ITFG1: variants seen among roughly 807,000 people sequenced by gnomAD.
ITFG1 encodes T-cell immunomodulatory protein.
ITFG1 carries 34 observed loss-of-function variants against 81.8 expected under a neutral mutation model. The ratio of observed to expected loss-of-function variants is 0.42; its 90% CI spans 0.32 to 0.55. The LOEUF (loss-of-function observed/expected upper bound fraction) is 0.55, where lower values mean the gene tolerates loss of function less well. ITFG1 is among the 20% of genes least tolerant of loss of function. The pLI, the probability that ITFG1 is intolerant of heterozygous loss-of-function variation, is 0.17. For synonymous variants in ITFG1, 285 were observed against 270.6 expected (o/e 1.05, Z -0.52); for missense variants, 672 against 755.4 (o/e 0.89, Z 1.29).
chr16:47,370,042 G>A (rs758441937), intron 7 of ITFG1, among the ~76,000 whole-genome samples: 8 of 151,742 alleles, frequency 5.3e-5, no homozygotes, highest in East Asian at 1.9e-4. Flanking sequence ...GGGTTTCACC[G>A]TGTTAACCAG....
chr16:47,262,473 T>G (rs1966221569), intron 10 of ITFG1, among the ~76,000 whole-genome samples: 1 of 152,232 alleles, frequency 6.6e-6, no homozygotes, highest in Non-Finnish European at 1.5e-5. Flanking sequence ...GAAGATTGTA[T>G]TAAAACATGA....
chr16:47,389,211 G>A (rs951578943), intron 6 of ITFG1, among the ~76,000 whole-genome samples: 1 of 152,056 alleles, frequency 6.6e-6, no homozygotes, highest in African/African-American at 2.4e-5. Context: ...GAAAGCAAAT[G>A]ACCCCTGATA....
chr16:47,400,976 T>C (rs1968654827), intron 6 of ITFG1, among the ~76,000 whole-genome samples: 1 of 152,206 alleles, frequency 6.6e-6, no homozygotes, highest in African/African-American at 2.4e-5. Flanking sequence ...GATGTTAGGA[T>C]GTTGGCCATC....
chr16:47,271,930 G>GAAATGAAAACA (rs1010052914), intron 10 of ITFG1, among the ~76,000 whole-genome samples: 1 of 152,078 alleles, frequency 6.6e-6, no homozygotes, highest in African/African-American at 2.4e-5. Flanking sequence ...TATCTCAAGA[G>GAAATGAAAACA]AAATGAAAAC....
intron 8 of ITFG1, among the ~76,000 whole-genome samples, chr16:47,354,486 G>A (rs1183673295): frequency 6.6e-6 from 1 of 152,074 alleles, no homozygotes; most frequent in Non-Finnish European, 1.5e-5. Flanking sequence ...CATGACATTG[G>A]TCTTGTCAAG....
intron 6 of ITFG1, 76 bp from the exon 7 acceptor site, chr16:47,376,016 C>A: frequency 3.9e-6 from 3 of 760,712 alleles, no homozygotes; most frequent in South Asian, 1.7e-5. Flanking sequence ...AAAAAAAATG[C>A]AATACATTAA....
intron 10 of ITFG1, among the ~76,000 whole-genome samples, chr16:47,284,352 T>C (rs1440425416): frequency 2.0e-5 from 3 of 152,156 alleles, no homozygotes; most frequent in Admixed American, 1.3e-4. Flanking sequence ...ATATAACATA[T>C]TTCTATAGTC....
At chr16:47,352,466 C>G (rs1967975004) in intron 8 of ITFG1, among the ~76,000 whole-genome samples, 2 of 152,202 alleles carry the variant, frequency 1.3e-5, no homozygotes, top group South Asian at 2.1e-4. Context: ...AAATGCTCAT[C>G]ATCACTGGCC....
intron 10 of ITFG1, chr16:47,262,679 T>C (rs1035463074): frequency 6.6e-5 from 10 of 152,252 alleles, no homozygotes; most frequent in African/African-American, 2.2e-4. Context: ...ATTTAAAATG[T>C]TATTCCTTCT....
At chr16:47,313,444 T>C (rs372664620) in intron 9 of ITFG1, among the ~76,000 whole-genome samples, 68 of 152,214 alleles carry the variant, frequency 4.5e-4, no homozygotes, top group African/African-American at 1.5e-3. Context: ...CCTTTTATTA[T>C]AGTGTGTTTT....
chr16:47,377,617 T>G (rs957438784), intron 6 of ITFG1, among the ~76,000 whole-genome samples: 3 of 152,336 alleles, frequency 2.0e-5, no homozygotes, highest in African/African-American at 7.2e-5. Context: ...AGCCACCTGG[T>G]GAATGGATTC....
chr16:47,307,115 A>AAAC (rs1967179512), intron 10 of ITFG1, among the ~76,000 whole-genome samples: 1 of 148,496 alleles, frequency 6.7e-6, no homozygotes, highest in African/African-American at 2.5e-5. Context: ...AAAAAAAAAA[A>AAAC]AAAAAAAACG....
At chr16:47,197,148 G>A (rs144242710) in intron 14 of ITFG1, among the ~76,000 whole-genome samples, 18 of 152,282 alleles carry the variant, frequency 1.2e-4, no homozygotes, top group African/African-American at 3.4e-4. Flanking sequence ...GTCTTTTGTG[G>A]AGGAAATGTT....
At chr16:47,403,150 CT>C (rs1489671483) in intron 6 of ITFG1, among the ~76,000 whole-genome samples, 1 of 151,968 alleles carries the variant, frequency 6.6e-6, no homozygotes, top group African/African-American at 2.4e-5. Context: ...AATTTGCCCC[CT>C]CCCTTTCCTT....
chr16:47,428,540 T>C (rs1002192354), intron 6 of ITFG1, among the ~76,000 whole-genome samples: 13 of 152,004 alleles, frequency 8.6e-5, no homozygotes, highest in Admixed American at 3.9e-4. Context: ...AGGCAACATG[T>C]GCTGAAATTA....
intron 6 of ITFG1, among the ~76,000 whole-genome samples, chr16:47,428,387 T>A (rs2151609402): frequency 6.6e-6 from 1 of 152,280 alleles, no homozygotes; most frequent in Admixed American, 6.5e-5. Flanking sequence ...TCTGTCCAAT[T>A]TTCTGTTTAA....
chr16:47,166,393 C>A (rs961804831), intron 14 of ITFG1, among the ~76,000 whole-genome samples: 12 of 152,176 alleles, frequency 7.9e-5, no homozygotes, highest in Admixed American at 5.9e-4. Flanking sequence ...TTTTAGCATA[C>A]TTTTAGTCAC....
chr16:47,186,676 A>C (rs1965222286), intron 14 of ITFG1, among the ~76,000 whole-genome samples: 1 of 152,220 alleles, frequency 6.6e-6, no homozygotes, highest in African/African-American at 2.4e-5. Context: ...CAAAAACTGG[A>C]AGCATTCCCT....
At position 47,415,140 on chromosome 16, in the gene ITFG1, GAT is replaced by G. The variant is rs374402356; in HGVS notation, c.655+13662_655+13663del. Among the ~76,000 whole-genome samples, 627 of 152,320 alleles carry G rather than the reference GAT, an allele frequency of 4.1e-3. 5 individuals carry two copies. The highest frequency in any genetic ancestry group is 0.014 in the African/African-American group (599 of 41,578). The stretch of plus-strand genomic sequence containing the variant: ...AATCTTCATTCTCAGCCGTCCTCAT[GAT>G]ACATATATTCCATTGTTGGACAAGA... On this transcript the variant is annotated intron_variant, in intron 6 of 17. Coordinates refer to ENST00000320640, the MANE Select transcript of ITFG1 (RefSeq NM_030790.5).
Sources: allele counts gnomAD v4.1 joint callset (sites outside exome capture counted in the v4.1 genomes callset), GRCh38; gene constraint gnomAD v4.1.1; transcripts MANE v1.5; gene names NCBI Gene and HGNC (gene_info 2026-07-23, HGNC 2026-07-21).